The following WDR70 variants were observed in gnomAD, a reference collection of about 807,000 sequenced individuals.
WDR70 encodes WD repeat-containing protein 70.
WDR70 carries 53 observed loss-of-function variants against 88.6 expected under a neutral mutation model. The ratio of observed to expected loss-of-function variants is 0.60; its 90% CI spans 0.48 to 0.75. WDR70 has a LOEUF of 0.75. Ranked by LOEUF, WDR70 falls within the 30% of genes least tolerant of loss-of-function variation. The pLI is 0.00. For missense variants in WDR70, 610 were observed against 823.2 expected (o/e 0.74, Z 3.17); for synonymous variants, 280 against 270.0 (o/e 1.04, Z -0.36).
intron 10 of WDR70, among the ~76,000 whole-genome samples, chr5:37,687,396 C>T (rs1230685124): frequency 6.6e-6 from 1 of 152,116 alleles, no homozygotes; most frequent in Non-Finnish European, 1.5e-5. Flanking sequence ...CTCTCCCTCT[C>T]CTGTGGGATC....
At chr5:37,534,320 T>A (rs1336896562) in intron 9 of WDR70, among the ~76,000 whole-genome samples, 2 of 152,214 alleles carry the variant, frequency 1.3e-5, no homozygotes, top group African/African-American at 4.8e-5. Context: ...ATTAATTCTC[T>A]AAACAACAGT....
At chr5:37,578,189 G>C (rs777175244) in intron 9 of WDR70, among the ~76,000 whole-genome samples, 28 of 152,352 alleles carry the variant, frequency 1.8e-4, no homozygotes, top group Non-Finnish European at 2.5e-4. Flanking sequence ...AGTTTTGGTA[G>C]AGAAGGGAAG....
intron 17 of WDR70, among the ~76,000 whole-genome samples, chr5:37,729,749 G>A (rs1748091084): frequency 6.6e-6 from 1 of 152,002 alleles, no homozygotes; most frequent in African/African-American, 2.4e-5. Context: ...CCTTTTTTGG[G>A]TTTTCTTCAC....
At chr5:37,606,058 C>T (rs1243763656) in intron 10 of WDR70, among the ~76,000 whole-genome samples, 1 of 152,120 alleles carries the variant, frequency 6.6e-6, no homozygotes, top group Non-Finnish European at 1.5e-5. Flanking sequence ...ACTGATAATA[C>T]TTATCAAAAA....
chr5:37,557,141 G>C (rs1178957194), intron 9 of WDR70, among the ~76,000 whole-genome samples: 1 of 150,990 alleles, frequency 6.6e-6, no homozygotes, highest in Non-Finnish European at 1.5e-5. Flanking sequence ...CTTGAATATG[G>C]AATGAAATCT....
intron 9 of WDR70, among the ~76,000 whole-genome samples, chr5:37,551,836 A>T (rs1742156579): frequency 1.5e-5 from 2 of 132,398 alleles, no homozygotes; most frequent in Admixed American, 8.8e-5. Context: ...GCAGTGGTGC[A>T]ATCTCGCTCA....
At chr5:37,741,263 A>G (rs2112731275) in intron 17 of WDR70, among the ~76,000 whole-genome samples, 1 of 150,738 alleles carries the variant, frequency 6.6e-6, no homozygotes, top group African/African-American at 2.4e-5. Context: ...TTTTAATTTA[A>G]AAAGGTCTAA....
At chr5:37,613,813 TA>T (rs928229008) in intron 10 of WDR70, among the ~76,000 whole-genome samples, 1 of 152,040 alleles carries the variant, frequency 6.6e-6, no homozygotes, top group Admixed American at 6.6e-5. Flanking sequence ...TTTACTGATT[TA>T]AAAAAAATCC....
At chr5:37,486,754 G>C (rs540763366) in intron 8 of WDR70, among the ~76,000 whole-genome samples, 2 of 146,970 alleles carry the variant, frequency 1.4e-5, no homozygotes, top group Non-Finnish European at 3.0e-5. Flanking sequence ...TCATATGCTT[G>C]TTGGCCGCAT....
rs533045962 is a variant in WDR70 at position 37,437,260 on chromosome 5, T to G, written c.493-662T>G. On this transcript the variant is annotated intron_variant, in intron 5 of 17. Transcript: ENST00000265107. ...GATTTGGAGTTTCTTATTTTTACCA[T>G]TTTTGAACAATTTTCTTTTTAACTT... is the stretch of plus-strand genomic sequence containing the variant. 2.1e-4 allele frequency among the ~76,000 whole-genome samples: 32 copies of G among 152,294 alleles called. No individual in the cohort carries two copies. In the South Asian group the frequency reaches 6.2e-3, roughly 30 times the overall value.
chr5:37,437,789 CT>C (rs1328659938), intron 5 of WDR70, 132 bp from the exon 6 acceptor site: 1 of 756,652 alleles, frequency 1.3e-6, no homozygotes, highest in Non-Finnish European at 2.0e-6. Flanking sequence ...CACTTTTTTG[CT>C]GTTTTTTTAA....
At chr5:37,594,131 G>A (rs555262387) in intron 9 of WDR70, among the ~76,000 whole-genome samples, 48 of 152,210 alleles carry the variant, frequency 3.2e-4, no homozygotes, top group South Asian at 6.2e-4. Context: ...TTCTTTTGCC[G>A]TATGGAAGCT....
Position 37,703,066 on chromosome 5 carries a change from T to C in WDR70, c.1395T>C (p.Tyr465=), listed in dbSNP as rs752274830. 6.2e-7 allele frequency: 1 copy of C among 1,612,240 alleles called. No homozygotes were observed. Among genetic ancestry groups the C allele is most frequent in the Admixed American group, 1.7e-5 (1 of 60,008 alleles). Residue 465 remains tyrosine, a synonymous_variant, in exon 13 of 18, where the codon TAT becomes TAC. Coordinates refer to ENST00000265107, the MANE Select transcript of WDR70 (RefSeq NM_018034.4). ...AGCGTAGGACTTTCCAAAGGGTGTA[T>C]GAAATAGACATCACAGATGCGGTAC... ...FFERRTFQRV[Y]EIDITDASVV...
chr5:37,417,748 T>C (rs1033819714), intron 5 of WDR70, among the ~76,000 whole-genome samples: 2 of 152,294 alleles, frequency 1.3e-5, no homozygotes, highest in East Asian at 1.9e-4. Context: ...AGTCTTGCTA[T>C]GTTGCCTAGG....
chr5:37,491,600 A>G (rs1230515685), intron 8 of WDR70, among the ~76,000 whole-genome samples: 2 of 152,172 alleles, frequency 1.3e-5, no homozygotes, highest in Admixed American at 1.3e-4. Context: ...AAGTTAGAAG[A>G]GTTTTCAGAT....
At chr5:37,449,607 A>T (rs796841351) in intron 7 of WDR70, among the ~76,000 whole-genome samples, 705 of 52,110 alleles carry the variant, frequency 0.014, 3 homozygotes, top group African/African-American at 0.033. Flanking sequence ...AAAAAAATAA[A>T]AAATAAAAAA....
At chr5:37,400,841 A>G (rs183310055) in intron 5 of WDR70, among the ~76,000 whole-genome samples, 10 of 152,330 alleles carry the variant, frequency 6.6e-5, no homozygotes, top group Admixed American at 5.2e-4. Flanking sequence ...CCAAATGTAT[A>G]TAAGTACAGC....
intron 10 of WDR70, among the ~76,000 whole-genome samples, chr5:37,674,440 T>C (rs1746134635): frequency 6.6e-6 from 1 of 152,068 alleles, no homozygotes; most frequent in South Asian, 2.1e-4. Context: ...TGTCCATGTG[T>C]TCTCATTGTT....
At chr5:37,517,684 T>A (rs1015568043) in intron 9 of WDR70, among the ~76,000 whole-genome samples, 2 of 150,850 alleles carry the variant, frequency 1.3e-5, no homozygotes, top group African/African-American at 4.9e-5. Context: ...TTTTTTATTT[T>A]AATTTTTGTG....
Sources: gnomAD v4.1 joint callset for allele counts (sites outside exome capture counted in the v4.1 genomes callset) on GRCh38, gnomAD v4.1.1 for gene constraint, MANE v1.5 for transcripts, NCBI Gene and HGNC (gene_info 2026-07-23, HGNC 2026-07-21) for gene names.